The following PEX10 variants were observed in gnomAD, a reference collection of about 807,000 sequenced individuals.
PEX10 encodes peroxisome biogenesis factor 10.
Under a neutral mutation model 38.0 loss-of-function variants are expected in PEX10, and 32 were observed. The ratio of observed to expected loss-of-function variants is 0.84; its 90% CI spans 0.63 to 1.13. PEX10 has a LOEUF of 1.13. PEX10 is among the 50% of genes most tolerant of loss of function. The pLI, the probability that PEX10 is intolerant of heterozygous loss-of-function variation, is 0.00. For missense variants in PEX10, 483 were observed against 457.7 expected (o/e 1.06, Z -0.51); for synonymous variants, 206 against 207.3 (o/e 0.99, Z 0.05).
At chr1:2,406,677 G>C (rs757622465) in intron 4 of PEX10, 43 bp downstream of exon 4, 34 of 1,611,046 alleles carry the variant, frequency 2.1e-5, no homozygotes, top group Non-Finnish European at 2.8e-5. Context: ...CTTGTGAAGT[G>C]CCCAGGACAC....
chr1:2,405,949 G>A (rs72642195), intron 5 of PEX10, 115 bp from the exon 6 acceptor site: 4 of 855,634 alleles, frequency 4.7e-6, no homozygotes, highest in African/African-American at 1.7e-5. Flanking sequence ...CATAAATGTT[G>A]TATTTCCTTC....
chr1:2,407,878 G>T (rs1432970680), intron 3 of PEX10, among the ~76,000 whole-genome samples: 1 of 152,170 alleles, frequency 6.6e-6, no homozygotes, highest in Non-Finnish European at 1.5e-5. Flanking sequence ...GGACATGGTG[G>T]TGGGACCACG....
chr1:2,410,934 GT>G lies in PEX10; in HGVS notation c.113-484del. 2.2e-6 allele frequency: 1 copy of G among 453,482 alleles called. No individual in the cohort carries two copies. 28.1% of individuals were successfully genotyped at this position (453,482 alleles called of 1,614,324 possible). A position where few individuals can be genotyped will look rare whatever the true frequency, so the allele number is the denominator to read the frequency against. On this transcript the variant is annotated intron_variant, in intron 1 of 5. Coordinates refer to ENST00000447513, the MANE Select transcript of PEX10 (RefSeq NM_002617.4). This position sits in a 1 kb window ranked among gnomAD's most constrained non-coding sequence, Gnocchi z 5.1. ...ACTGGGAACAGTGTCTGGCACAGGGGTAAGTGCCAAGTGTACTGTAAAACAA... is the reference window on the plus strand; with the variant it reads ...ACTGGGAACAGTGTCTGGCACAGGGGAAGTGCCAAGTGTACTGTAAAACAA...
Position 2,408,505 on chromosome 1 carries a change from A to C in PEX10, c.547T>G (p.Tyr183Asp), listed in dbSNP as rs780485807. 18 of 1,612,980 alleles carry C rather than the reference A, an allele frequency of 1.1e-5. No individual in the cohort carries two copies. The South Asian group carries it at 2.0e-4, about 18-fold the overall frequency. The change falls in exon 3 of 6, where the codon TAC (tyrosine) becomes GAC (aspartate). Residue 183 changes from tyrosine to aspartate, a missense_variant. Coordinates refer to ENST00000447513, the MANE Select transcript of PEX10 (RefSeq NM_002617.4). ...CLQRLHVAWF[Y>D]IHGVFYHLAK... ...AGGTGGTAGAAGACACCGTGGATGT[A>C]AAACCAGGCAACATGTAGCCGCTGG...
At chr1:2,407,440 G>A (rs6671420) in intron 3 of PEX10, among the ~76,000 whole-genome samples, 104,678 of 152,056 alleles carry the variant, frequency 0.69, 37,037 homozygotes, top group Non-Finnish European at 0.77. Flanking sequence ...AGACAGCCTC[G>A]GCCCAGGGCC....
In PEX10 at chr1:2,404,407, T is replaced by C. The variant is rs1642927807; in HGVS notation, c.*1359A>G. 6.6e-6 allele frequency: 1 copy of C among 152,270 alleles called. No homozygotes were observed. The highest frequency in any genetic ancestry group is 6.5e-5 in the Admixed American group (1 of 15,286). The allele number at this position is 152,270 out of a possible 1,614,324, so 9.4% of individuals were successfully genotyped here. A position where few individuals can be genotyped will look rare whatever the true frequency, so the allele number is the denominator to read the frequency against. ...GAGTGTTTGTCATTTTTCATACTGT[T>C]TTCTTAATAAGCGCTCAGGCCTAAG... On this transcript the variant is annotated 3_prime_UTR_variant, in exon 6 of 6. Transcript: ENST00000447513.
Position 2,410,324 on chromosome 1 carries a change from GGT to G in PEX10, c.193+45_193+46del, listed in dbSNP as rs1389729926. ...CCCCCTGGCCACCGTCCCCAGACTTGGTGTGTGTGGCTGCCCTCAGTCCTGAG... is the reference window on the plus strand; with the variant it reads ...CCCCCTGGCCACCGTCCCCAGACTTGGTGTGTGGCTGCCCTCAGTCCTGAG... On this transcript the variant is annotated intron_variant, in intron 2 of 5. Transcript: ENST00000447513. The surrounding 1 kb of genome is among the most constrained non-coding windows in gnomAD (Gnocchi z 5.1). The G allele has an allele frequency of 3.2e-5, 49 of 1,510,434 alleles. No individual in the cohort carries two copies. The highest frequency in any genetic ancestry group is 4.5e-5 in the Non-Finnish European group (49 of 1,086,020). 93.6% of individuals were successfully genotyped at this position (1,510,434 alleles called of 1,614,324 possible).
chr1:2,408,058 A>G lies in PEX10; in HGVS notation c.600+394T>C, dbSNP rs554019258. 1.7e-3 allele frequency among the ~76,000 whole-genome samples: 262 copies of G among 152,170 alleles called. 2 individuals carry two copies. Among genetic ancestry groups the G allele is most frequent in the African/African-American group, 5.9e-3 (247 of 41,522 alleles). On this transcript the variant is annotated intron_variant, in intron 3 of 5. Coordinates refer to ENST00000447513, the MANE Select transcript of PEX10 (RefSeq NM_002617.4). ...GGGGCTGGGGCCGGGGCTGCAGTCC[A>G]TGCTCCCACACTGTCTGGGAGAAGC...
Position 2,412,492 on chromosome 1 carries a change from GC to G in PEX10, c.10del (p.Ala4ProfsTer8). The stretch of plus-strand genomic sequence containing the variant: ...GATCACCTCCGGGGGGCTGGCGGCG[GC>G]CGGGGCCATGGCCGCGGGTTCGGGT... MAP[A>X]AASPPEVIRA... On this transcript the variant is annotated frameshift_variant, in exon 1 of 6. Transcript: ENST00000447513. LOFTEE classifies it high-confidence loss of function. 1.5e-6 allele frequency: 2 copies of G among 1,372,100 alleles called. No individual in the cohort carries two copies. The highest frequency in any genetic ancestry group is 1.7e-5 in the South Asian group (1 of 60,064). 85.0% of individuals were successfully genotyped at this position (1,372,100 alleles called of 1,614,324 possible). A position where few individuals can be genotyped will look rare whatever the true frequency, so the allele number is the denominator to read the frequency against.
Position 2,406,825 on chromosome 1 carries a change from G to C in PEX10, c.671C>G (p.Ser224Ter). The C allele has an allele frequency of 1.2e-6, 2 of 1,610,984 alleles. No individual in the cohort carries two copies. Among genetic ancestry groups the C allele is most frequent in the Non-Finnish European group, 1.7e-6 (2 of 1,179,050 alleles). The change falls in exon 4 of 6, where the codon TCA (serine) becomes TGA (stop). Residue 224 changes from serine to a stop codon, truncating the protein, a stop_gained. Transcript: ENST00000447513. LOFTEE classifies it high-confidence loss of function. ...CATGGACAGCACCAGGTGCAGCAGT[G>C]AGATGACCCCCAGCAGCCTGTAGCT... Reference protein sequence around the residue: ...RVSYRLLGVISLLHLVLSMGL... With the variant: ...RVSYRLLGVI
In PEX10 at chr1:2,410,228, AG is replaced by A. The variant is rs1314848253; in HGVS notation, c.193+142del. On this transcript the variant is annotated intron_variant, in intron 2 of 5. Transcript: ENST00000447513. The surrounding 1 kb of genome is among the most constrained non-coding windows in gnomAD (Gnocchi z 5.1). Reference sequence around the variant, plus strand: ...GCAGATGCCTCGCCTCCCTCGGAGCAGTACCTCCTGCACTTCCCTGAAGCAA... The same window carrying A: ...GCAGATGCCTCGCCTCCCTCGGAGCATACCTCCTGCACTTCCCTGAAGCAA... 1.4e-6 allele frequency: 1 copy of A among 730,360 alleles called. No homozygotes were observed. Among genetic ancestry groups the A allele is most frequent in the Non-Finnish European group, 2.5e-6 (1 of 406,392 alleles). 45.2% of individuals were successfully genotyped at this position (730,360 alleles called of 1,614,324 possible).
At chr1:2,407,594 T>C (rs1184202581) in intron 3 of PEX10, among the ~76,000 whole-genome samples, 1 of 152,074 alleles carries the variant, frequency 6.6e-6, no homozygotes, top group East Asian at 1.9e-4. Context: ...GCTCATCAAA[T>C]CCCTCACCAA....
chr1:2,412,586 G>T (rs1019846732), upstream of PEX10: 87 of 1,074,830 alleles, frequency 8.1e-5, 1 homozygote, highest in Non-Finnish European at 1.0e-4. Context: ...GCACGACGTG[G>T]CTCTGCGTGC....
chr1:2,405,920 C>G (rs72642194), intron 5 of PEX10, 86 bp from the exon 6 acceptor site: 827 of 1,014,624 alleles, frequency 8.2e-4, no homozygotes, highest in Non-Finnish European at 1.1e-3. Flanking sequence ...TGTCCACATT[C>G]TCTGCACATG....
chr1:2,407,276 C>T lies in PEX10; in HGVS notation c.601-381G>A, dbSNP rs114177386. Among the ~76,000 whole-genome samples the T allele has an allele frequency of 4.6e-3, 707 of 152,324 alleles. 7 individuals carry two copies. The highest frequency in any genetic ancestry group is 0.016 in the African/African-American group (658 of 41,566). On this transcript the variant is annotated intron_variant, in intron 3 of 5. Coordinates refer to ENST00000447513, the MANE Select transcript of PEX10 (RefSeq NM_002617.4). ...CCACCAGCTACCCTGCTACAGGGAC[C>T]GAAGCCCCAGTGTAACAAGGCACGT...
At chr1:2,405,912 T>G in intron 5 of PEX10, 78 bp from the exon 6 acceptor site, 1 of 1,087,274 alleles carries the variant, frequency 9.2e-7, no homozygotes, top group Non-Finnish European at 1.4e-6. Context: ...TCTTTTCCTG[T>G]CCACATTCTC....
intron 5 of PEX10, among the ~76,000 whole-genome samples, chr1:2,406,218 T>G (rs1286991854): frequency 2.0e-5 from 3 of 152,142 alleles, no homozygotes; most frequent in Non-Finnish European, 4.4e-5. Flanking sequence ...TGTGCTGGGA[T>G]GCGTGGTGCA....
chr1:2,412,509 G>T lies in PEX10; in HGVS notation c.-7C>A. 7.4e-7 allele frequency: 1 copy of T among 1,350,028 alleles called. No individual in the cohort carries two copies. The highest frequency in any genetic ancestry group is 9.5e-7 in the Non-Finnish European group (1 of 1,054,722). 83.6% of individuals were successfully genotyped at this position (1,350,028 alleles called of 1,614,324 possible). ...TGGCGGCGGCCGGGGCCATGGCCGCGGGTTCGGGTGGTCCCGAGCAGCCAC... is the reference window on the plus strand; with the variant it reads ...TGGCGGCGGCCGGGGCCATGGCCGCTGGTTCGGGTGGTCCCGAGCAGCCAC... On this transcript the variant is annotated 5_prime_UTR_variant, in exon 1 of 6. Coordinates refer to ENST00000447513, the MANE Select transcript of PEX10 (RefSeq NM_002617.4).
chr1:2,409,968 C>T lies in PEX10; in HGVS notation c.193+403G>A, dbSNP rs543847534. ...GCTGGGGTTGGGAGCCTGAGAGCTT[C>T]TGTCAACAACTCCCTCTAAAGGGTG... On this transcript the variant is annotated intron_variant, in intron 2 of 5. Transcript: ENST00000447513. The surrounding 1 kb of genome is among the most constrained non-coding windows in gnomAD (Gnocchi z 6.2). The T allele has an allele frequency of 1.1e-4, 30 of 266,876 alleles. No individual in the cohort carries two copies. Among genetic ancestry groups the T allele is most frequent in the Middle Eastern group, 1.4e-3 (1 of 716 alleles). The allele number at this position is 266,876 out of a possible 1,614,324, so 16.5% of individuals were successfully genotyped here. A position where few individuals can be genotyped will look rare whatever the true frequency, so the allele number is the denominator to read the frequency against.
Sources: gnomAD v4.1 joint callset for allele counts (sites outside exome capture counted in the v4.1 genomes callset) on GRCh38, gnomAD v4.1.1 for gene constraint, Gnocchi (gnomAD v3.1) non-coding constraint, MANE v1.5 for transcripts, NCBI Gene and HGNC (gene_info 2026-07-23, HGNC 2026-07-21) for gene names.